CLIC6: variants seen among roughly 807,000 people sequenced by gnomAD.
CLIC6 encodes CLIC family member 6.
A neutral mutation model predicts 49.2 loss-of-function variants in CLIC6; 39 were observed. The ratio of observed to expected loss-of-function variants is 0.79; its 90% CI spans 0.61 to 1.04. CLIC6 has a LOEUF of 1.04. CLIC6 is among the 50% of genes least tolerant of loss of function. The pLI, the probability that CLIC6 is intolerant of heterozygous loss-of-function variation, is 0.00. For missense variants in CLIC6, 988 were observed against 993.1 expected (o/e 0.99, Z 0.07); for synonymous variants, 446 against 433.4 (o/e 1.03, Z -0.36).
intron 1 of CLIC6, among the ~76,000 whole-genome samples, chr21:34,677,902 G>A (rs1305942275): frequency 2.9e-4 from 44 of 152,080 alleles, no homozygotes; most frequent in Non-Finnish European, 4.9e-4. Flanking sequence ...ACCTAAGAAT[G>A]ACTTATGTTT....
chr21:34,710,299 T>C (rs1261363974), intron 5 of CLIC6, among the ~76,000 whole-genome samples: 1 of 151,930 alleles, frequency 6.6e-6, no homozygotes, highest in African/African-American at 2.4e-5. Flanking sequence ...AGGTTATTAA[T>C]TATTTATTTA....
At chr21:34,714,896 T>C (rs2056077788) in intron 5 of CLIC6, among the ~76,000 whole-genome samples, 1 of 152,156 alleles carries the variant, frequency 6.6e-6, no homozygotes, top group Non-Finnish European at 1.5e-5. Flanking sequence ...TACTCAGGAA[T>C]GTTAAAATAA....
At chr21:34,682,403 G>A (rs74813804) in intron 1 of CLIC6, among the ~76,000 whole-genome samples, 2,404 of 152,188 alleles carry the variant, frequency 0.016, 69 homozygotes, top group African/African-American at 0.055. Flanking sequence ...GTGTGAGGTC[G>A]AGTATACTTT....
intron 5 of CLIC6, among the ~76,000 whole-genome samples, chr21:34,710,657 C>CA (rs1007477477): frequency 2.0e-4 from 30 of 152,092 alleles, no homozygotes; most frequent in Middle Eastern, 6.8e-3. Context: ...ACTAAAAATA[C>CA]AAAAAATTAG....
At chr21:34,692,024 A>G (rs1028796277) in intron 1 of CLIC6, among the ~76,000 whole-genome samples, 1 of 152,220 alleles carries the variant, frequency 6.6e-6, no homozygotes, top group Non-Finnish European at 1.5e-5. Flanking sequence ...CTTTATGGTA[A>G]CAATGACCAG....
rs1454930750 is a variant in CLIC6, at chr21:34,710,411, C to T, written c.1899+873C>T. On this transcript the variant is annotated intron_variant, in intron 5 of 5. Coordinates refer to ENST00000349499, the MANE Select transcript of CLIC6 (RefSeq NM_053277.3). Reference sequence around the variant, plus strand: ...CCTGCCTTCCCATATAGTAGCTGAACATGATTTAAGAGCCATGAGTCATGT... The same window carrying T: ...CCTGCCTTCCCATATAGTAGCTGAATATGATTTAAGAGCCATGAGTCATGT... Among the ~76,000 whole-genome samples the T allele has an allele frequency of 2.0e-5, 3 of 152,212 alleles. No individual in the cohort carries two copies. The East Asian group carries it at 5.8e-4, about 29-fold the overall frequency.
At chr21:34,703,857 G>T (rs767409294) in intron 1 of CLIC6, among the ~76,000 whole-genome samples, 6 of 152,142 alleles carry the variant, frequency 3.9e-5, no homozygotes, top group Non-Finnish European at 5.9e-5. Context: ...TGGAGGCACC[G>T]TTTCTTTCTT....
chr21:34,670,793 G>C (rs1185273629), intron 1 of CLIC6, 31 bp downstream of exon 1: 1 of 1,578,168 alleles, frequency 6.3e-7, no homozygotes, highest in Non-Finnish European at 8.6e-7. Context: ...TTCTTAGGAC[G>C]ACCCCCTTCC....
At chr21:34,708,614 A>C in intron 3 of CLIC6, 86 bp from the exon 4 acceptor site, 1 of 910,826 alleles carries the variant, frequency 1.1e-6, no homozygotes, top group Non-Finnish European at 1.7e-6. Flanking sequence ...TTTTATGCCC[A>C]GAGAAAGCTG....
intron 5 of CLIC6, 37 bp from the exon 6 acceptor site, chr21:34,716,284 G>T: frequency 6.3e-7 from 1 of 1,588,266 alleles, no homozygotes; most frequent in Non-Finnish European, 8.6e-7. Flanking sequence ...ACCTTAGCAA[G>T]TTTTCCCTTT....
intron 1 of CLIC6, among the ~76,000 whole-genome samples, chr21:34,685,899 A>C (rs1989867675): frequency 6.6e-6 from 1 of 152,172 alleles, no homozygotes; most frequent in African/African-American, 2.4e-5. Context: ...TTGCTTTTAG[A>C]CACTACTAAG....
chr21:34,669,964 G>A lies in CLIC6; in HGVS notation c.576G>A (p.Ala192=). The A allele has an allele frequency of 7.3e-7, 1 of 1,376,140 alleles. No individual in the cohort carries two copies. Among genetic ancestry groups the A allele is most frequent in the Non-Finnish European group, 9.3e-7 (1 of 1,073,016 alleles). 85.2% of individuals were successfully genotyped at this position (1,376,140 alleles called of 1,614,324 possible). ...GCCGGGTGGGGGACAGCGTAGACGC[G>A]GAAGGTCCGGCGGGGGACAGCGTAG... ...AEGRVGDSVD[A]EGPAGDSVDA... is the part of the protein sequence containing the mutation. Residue 192 remains alanine (A), a synonymous_variant, in exon 1 of 6, where the codon GCG becomes GCA. Transcript: ENST00000349499.
At chr21:34,680,043 T>C (rs1290796803) in intron 1 of CLIC6, among the ~76,000 whole-genome samples, 1 of 152,290 alleles carries the variant, frequency 6.6e-6, no homozygotes, top group East Asian at 1.9e-4. Flanking sequence ...GTGGGGGCTC[T>C]GACCCTACAT....
intron 1 of CLIC6, among the ~76,000 whole-genome samples, chr21:34,671,987 T>C (rs1262235644): frequency 6.6e-6 from 1 of 152,174 alleles, no homozygotes; most frequent in African/African-American, 2.4e-5. Context: ...GCAGTGCTGC[T>C]GTGTGACCCC....
intron 1 of CLIC6, among the ~76,000 whole-genome samples, chr21:34,688,637 T>C (rs1378971132): frequency 6.6e-6 from 1 of 152,152 alleles, no homozygotes; most frequent in African/African-American, 2.4e-5. Context: ...TTTGCTAATA[T>C]AGACTGTAGA....
intron 1 of CLIC6, among the ~76,000 whole-genome samples, chr21:34,705,218 T>G (rs2056006120): frequency 6.6e-6 from 1 of 152,162 alleles, no homozygotes; most frequent in South Asian, 2.1e-4. Flanking sequence ...CGCCTTTGCT[T>G]GGCTTGACTG....
chr21:34,700,218 A>C (rs960107877), intron 1 of CLIC6, among the ~76,000 whole-genome samples: 7 of 151,724 alleles, frequency 4.6e-5, no homozygotes, highest in African/African-American at 1.2e-4. Flanking sequence ...TTGGCCGAGG[A>C]GGGCGGATCA....
intron 1 of CLIC6, among the ~76,000 whole-genome samples, chr21:34,699,865 A>G (rs1001963946): frequency 2.6e-5 from 4 of 152,176 alleles, no homozygotes; most frequent in African/African-American, 9.7e-5. Context: ...GGTGAAGTGC[A>G]TGGGGTTTTA....
At chr21:34,674,738 G>A (rs187223783) in intron 1 of CLIC6, among the ~76,000 whole-genome samples, 1 of 152,332 alleles carries the variant, frequency 6.6e-6, no homozygotes, top group African/African-American at 2.4e-5. Flanking sequence ...GGGTAACTCT[G>A]CAATATATTT....
Sources: gnomAD v4.1 joint callset for allele counts (sites outside exome capture counted in the v4.1 genomes callset) on GRCh38, gnomAD v4.1.1 for gene constraint, MANE v1.5 for transcripts, NCBI Gene and HGNC (gene_info 2026-07-23, HGNC 2026-07-21) for gene names.